Variants in MYH7B observed in about 807,000 individuals in gnomAD.
MYH7B encodes the protein myosin heavy chain 7B, also known as myosin-7B.
A neutral mutation model predicts 234.5 loss-of-function variants in MYH7B; 205 were observed. The ratio of observed to expected loss-of-function variants is 0.87; its 90% CI spans 0.78 to 0.98. The LOEUF is 0.98. Among genes scored for constraint, MYH7B ranks in the 50% least tolerant of loss-of-function variants. MYH7B has a pLI of 0.00. For synonymous variants in MYH7B, 1,193 were observed against 1,105.0 expected (o/e 1.08, Z -1.58); for missense variants, 2,652 against 2,633.4 (o/e 1.01, Z -0.15).
chr20:34,982,426 G>A (rs1176856317), intron 9 of MYH7B, 33 bp from the exon 10 acceptor site: 1 of 1,594,962 alleles, frequency 6.3e-7, no homozygotes, highest in Admixed American at 1.7e-5. Flanking sequence ...TAGGCCAGAT[G>A]GGCATTGGTG....
intron 29 of MYH7B, 44 bp downstream of exon 29, chr20:34,996,566 C>T (rs755506324): frequency 6.2e-7 from 1 of 1,600,574 alleles, no homozygotes; most frequent in South Asian, 1.1e-5. Flanking sequence ...GGCCGGGGTG[C>T]CGGCTGGCTT....
intron 2 of MYH7B, among the ~76,000 whole-genome samples, chr20:34,971,208 G>A (rs1347000878): frequency 2.0e-5 from 3 of 152,148 alleles, no homozygotes; most frequent in Non-Finnish European, 2.9e-5. Flanking sequence ...CTCTCTTTGC[G>A]GCTCAGTTTC....
exon 8 of MYH7B, chr20:34,980,707 G>T: frequency 6.2e-7 from 1 of 1,614,176 alleles, no homozygotes; most frequent in Non-Finnish European, 8.5e-7. Context: ...TGCGGTGGCG[G>T]ACAACGCCTA....
rs1181711521 is a variant in MYH7B at position 34,990,312 on chromosome 20, T to C, written c.1977+2T>C. The C allele has an allele frequency of 6.2e-7, 1 of 1,613,932 alleles. No homozygotes were observed. Among genetic ancestry groups the C allele is most frequent in the African/African-American group, 1.3e-5 (1 of 74,908 alleles). ...CAGACGGTGTCCCAGCTGCACAAGG[T>C]AAGGCCCCATCTGGGAGACAGACCC... On this transcript the variant is annotated splice_donor_variant, in intron 22 of 44. Coordinates refer to ENST00000262873, the Ensembl canonical transcript of MYH7B. LOFTEE classifies it high-confidence loss of function.
chr20:34,989,670 G>A, intron 19 of MYH7B, 70 bp from the exon 20 acceptor site: 1 of 1,469,732 alleles, frequency 6.8e-7, no homozygotes, highest in Non-Finnish European at 9.1e-7. Context: ...GTGGCCTGGG[G>A]AACCAGGGGT....
At chr20:34,959,906 A>G (rs911993004) in intron 2 of MYH7B, among the ~76,000 whole-genome samples, 1 of 152,124 alleles carries the variant, frequency 6.6e-6, no homozygotes, top group Non-Finnish European at 1.5e-5. Context: ...CCTCCCTATC[A>G]CATCAGTATC....
chr20:34,982,633 TTC>T, intron 10 of MYH7B, 78 bp downstream of exon 10: 5 of 1,278,966 alleles, frequency 3.9e-6, no homozygotes, highest in Non-Finnish European at 5.3e-6. Context: ...TTTTTTTTTT[TTC>T]CCCCTTTTTA....
chr20:34,965,486 A>G lies in MYH7B; in HGVS notation c.-222+7274A>G, dbSNP rs532743236. 1.1e-4 allele frequency among the ~76,000 whole-genome samples: 16 copies of G among 152,368 alleles called. No homozygotes were observed. The East Asian group carries it at 3.1e-3, about 29-fold the overall frequency. On this transcript the variant is annotated intron_variant, in intron 2 of 44. Transcript: ENST00000262873. ...CTCACGCCAGGGGACATGGCCCATCAGCAAGCACATGGGTGCCTCTTCTGG... is the reference window on the plus strand; with the variant it reads ...CTCACGCCAGGGGACATGGCCCATCGGCAAGCACATGGGTGCCTCTTCTGG...
intron 1 of MYH7B, among the ~76,000 whole-genome samples, chr20:34,956,428 A>T (rs1162414392): frequency 6.6e-6 from 1 of 152,124 alleles, no homozygotes; most frequent in Non-Finnish European, 1.5e-5. Context: ...CGGATTCATG[A>T]TTCCTACCCC....
intron 32 of MYH7B, among the ~76,000 whole-genome samples, chr20:34,997,965 C>G (rs572266510): frequency 2.6e-5 from 4 of 152,230 alleles, no homozygotes; most frequent in Admixed American, 2.6e-4. Flanking sequence ...GTCCTGAACC[C>G]CAGCACCCTA....
intron 30 of MYH7B, 57 bp downstream of exon 30, chr20:34,996,815 C>G: frequency 6.4e-7 from 1 of 1,571,922 alleles, no homozygotes; most frequent in East Asian, 2.2e-5. Flanking sequence ...GGCCCTTGTT[C>G]CCTTCTGGAT....
chr20:34,960,739 C>G (rs10427446), intron 2 of MYH7B, among the ~76,000 whole-genome samples: 6,977 of 152,330 alleles, frequency 0.046, 543 homozygotes, highest in African/African-American at 0.16. Context: ...CTTCCAGCCC[C>G]TAGCACAGGC....
At chr20:34,969,805 A>G (rs1192569885) in intron 2 of MYH7B, among the ~76,000 whole-genome samples, 10 of 151,924 alleles carry the variant, frequency 6.6e-5, no homozygotes, top group Non-Finnish European at 1.2e-4. Context: ...TCGGCCTCCC[A>G]AAGTGCTGGG....
At chr20:35,001,692 A>T (rs1314400900) in intron 43 of MYH7B, 166 bp downstream of exon 43, 5 of 797,318 alleles carry the variant, frequency 6.3e-6, no homozygotes, top group South Asian at 1.8e-5. Context: ...GCTCCTTCTC[A>T]TGGAACAGAC....
chr20:34,996,438 G>C, exon 29 of MYH7B: 1 of 1,613,558 alleles, frequency 6.2e-7, no homozygotes, highest in Middle Eastern at 1.7e-4. Context: ...CCCACCAACA[G>C]GCCCTGGGTG....
In MYH7B at chr20:35,001,880, C is replaced by G. The variant is rs912991894; in HGVS notation, c.5677-68C>G. 19 of 1,558,776 alleles carry G rather than the reference C, an allele frequency of 1.2e-5. No homozygotes were observed. The Admixed American group carries it at 1.3e-4, about 11-fold the overall frequency. On this transcript the variant is annotated intron_variant, in intron 43 of 44. Transcript: ENST00000262873. Reference sequence around the variant, plus strand: ...AGGAGGAGCTAGCTCCCTTCTTGGACTGGGGCAGGGACCAGAATAAGCATC... The same window carrying G: ...AGGAGGAGCTAGCTCCCTTCTTGGAGTGGGGCAGGGACCAGAATAAGCATC...
intron 13 of MYH7B, 48 bp downstream of exon 13, chr20:34,985,177 G>A (rs753577264): frequency 1.2e-5 from 19 of 1,573,584 alleles, no homozygotes; most frequent in African/African-American, 9.4e-5. Flanking sequence ...GCCTGAGCCC[G>A]GTCACCCCAA....
chr20:34,965,257 A>G (rs375406837), intron 2 of MYH7B, among the ~76,000 whole-genome samples: 6 of 152,222 alleles, frequency 3.9e-5, no homozygotes, highest in Non-Finnish European at 8.8e-5. Flanking sequence ...GGGTTTGCAC[A>G]TAGGCAGTTG....
chr20:34,989,873 A>G (rs2082108299), exon 20 of MYH7B: 2 of 1,614,186 alleles, frequency 1.2e-6, no homozygotes, highest in Non-Finnish European at 8.5e-7. Flanking sequence ...CCTGACAAGA[A>G]GCGCAAGTAC....
Sources: allele counts gnomAD v4.1 joint callset (sites outside exome capture counted in the v4.1 genomes callset), GRCh38; gene constraint gnomAD v4.1.1; transcripts MANE v1.5; gene names NCBI Gene and HGNC (gene_info 2026-07-23, HGNC 2026-07-21).